ADAMTSL1: variants seen among roughly 807,000 people sequenced by gnomAD.
ADAMTSL1 encodes ADAMTS like 1.
In ADAMTSL1, 126 loss-of-function variants were observed where a neutral mutation model predicts 201.8. The observed-to-expected ratio is 0.62, with a 90% CI of 0.54 to 0.72. The LOEUF (loss-of-function observed/expected upper bound fraction) is 0.72. Among genes scored for constraint, ADAMTSL1 ranks in the 30% least tolerant of loss-of-function variants. The pLI, the probability that ADAMTSL1 is intolerant of heterozygous loss-of-function variation, is 0.00. For synonymous variants in ADAMTSL1, 1,121 were observed against 903.4 expected (o/e 1.24, Z -4.32); for missense variants, 2,679 against 2,277.8 (o/e 1.18, Z -3.59).
intron 1 of ADAMTSL1, among the ~76,000 whole-genome samples, chr9:17,982,525 T>C (rs1775176630): frequency 6.6e-6 from 1 of 151,968 alleles, no homozygotes; most frequent in African/African-American, 2.4e-5. Context: ...GGCAGGAGAA[T>C]TGCTTGAACC....
intron 2 of ADAMTSL1, among the ~76,000 whole-genome samples, chr9:18,265,298 G>C (rs117500248): frequency 6.6e-6 from 1 of 152,010 alleles, no homozygotes; most frequent in Admixed American, 6.6e-5. Context: ...TGCTTCCTCA[G>C]TTAATTCAGG....
intron 3 of ADAMTSL1, among the ~76,000 whole-genome samples, chr9:18,573,763 C>A: frequency 6.6e-6 from 1 of 152,132 alleles, no homozygotes; most frequent in South Asian, 2.1e-4. Flanking sequence ...TATGTCCCAC[C>A]TAATCAGAAT....
chr9:18,714,029 T>G (rs1179093349), intron 14 of ADAMTSL1, among the ~76,000 whole-genome samples: 18 of 151,138 alleles, frequency 1.2e-4, no homozygotes, highest in East Asian at 1.9e-4. Flanking sequence ...AAGGCAGAAA[T>G]AAAGATGTTC....
chr9:18,036,480 A>G (rs1303873104), intron 1 of ADAMTSL1, among the ~76,000 whole-genome samples: 1 of 152,160 alleles, frequency 6.6e-6, no homozygotes, highest in African/African-American at 2.4e-5. Flanking sequence ...ATAATATCAC[A>G]TCTTTATTTT....
intron 2 of ADAMTSL1, among the ~76,000 whole-genome samples, chr9:18,230,536 C>A (rs554373375): frequency 4.6e-5 from 7 of 152,052 alleles, no homozygotes; most frequent in African/African-American, 1.7e-4. Flanking sequence ...GACCCTGGCA[C>A]GTAATGGCTG....
At chr9:18,682,925 T>TA (rs1830593276) in intron 12 of ADAMTSL1, among the ~76,000 whole-genome samples, 1 of 152,156 alleles carries the variant, frequency 6.6e-6, no homozygotes, top group Admixed American at 6.5e-5. Context: ...AAAATGGGTG[T>TA]AATAATAGTA....
chr9:18,075,740 C>T (rs907654041), intron 1 of ADAMTSL1, among the ~76,000 whole-genome samples: 1 of 152,122 alleles, frequency 6.6e-6, no homozygotes, highest in African/African-American at 2.4e-5. Context: ...GCTGTGTAAC[C>T]CCAGAAGGAG....
intron 1 of ADAMTSL1, among the ~76,000 whole-genome samples, chr9:18,118,264 C>G (rs1825343584): frequency 6.6e-6 from 1 of 152,178 alleles, no homozygotes; most frequent in Non-Finnish European, 1.5e-5. Flanking sequence ...ATCAGATTTG[C>G]TGCACAAGGA....
intron 1 of ADAMTSL1, among the ~76,000 whole-genome samples, chr9:18,150,054 G>A (rs1056264889): frequency 2.6e-5 from 4 of 152,154 alleles, no homozygotes; most frequent in Middle Eastern, 6.8e-3. Flanking sequence ...TCAGTTAGAG[G>A]TTCCTGGGAG....
chr9:18,785,416 C>T (rs1380695359), intron 19 of ADAMTSL1, among the ~76,000 whole-genome samples: 1 of 152,134 alleles, frequency 6.6e-6, no homozygotes, highest in African/African-American at 2.4e-5. Flanking sequence ...CTACTGATAG[C>T]GCTACCTTTA....
chr9:18,442,050 T>C (rs112477816), intron 2 of ADAMTSL1, among the ~76,000 whole-genome samples: 7 of 152,358 alleles, frequency 4.6e-5, no homozygotes, highest in African/African-American at 1.7e-4. Context: ...GTTTTGGCTA[T>C]AGAAGAGCAG....
At chr9:18,744,988 G>A (rs970768712) in intron 15 of ADAMTSL1, among the ~76,000 whole-genome samples, 1 of 152,174 alleles carries the variant, frequency 6.6e-6, no homozygotes, top group Non-Finnish European at 1.5e-5. Flanking sequence ...GACAGATGAT[G>A]ATGATGTGTC....
chr9:18,088,214 T>A (rs1418441993), intron 1 of ADAMTSL1, among the ~76,000 whole-genome samples: 1 of 152,154 alleles, frequency 6.6e-6, no homozygotes, highest in East Asian at 1.9e-4. Flanking sequence ...CAAATGAAAT[T>A]GTATCTCTAT....
intron 2 of ADAMTSL1, among the ~76,000 whole-genome samples, chr9:18,531,273 C>G (rs372073553): frequency 6.6e-6 from 1 of 152,324 alleles, no homozygotes; most frequent in East Asian, 1.9e-4. Context: ...TGGCAAGTAG[C>G]TTGATCAACC....
chr9:18,197,985 C>G (rs1451132715), intron 2 of ADAMTSL1, among the ~76,000 whole-genome samples: 2 of 152,056 alleles, frequency 1.3e-5, no homozygotes, highest in Non-Finnish European at 2.9e-5. Context: ...TTTGACAAAC[C>G]TGAGAAAAAC....
intron 4 of ADAMTSL1, among the ~76,000 whole-genome samples, chr9:18,584,691 A>G (rs960395476): frequency 2.0e-5 from 3 of 152,186 alleles, no homozygotes; most frequent in African/African-American, 7.2e-5. Context: ...AAGCATTGTT[A>G]CCAGGTGTGT....
At chr9:18,188,842 T>C (rs1479600955) in intron 2 of ADAMTSL1, among the ~76,000 whole-genome samples, 1 of 152,220 alleles carries the variant, frequency 6.6e-6, no homozygotes, top group Non-Finnish European at 1.5e-5. Context: ...AACACCGTTA[T>C]GGGCCAGGCA....
chr9:18,849,306 C>T (rs1382581222), intron 23 of ADAMTSL1, among the ~76,000 whole-genome samples: 1 of 152,238 alleles, frequency 6.6e-6, no homozygotes, highest in Non-Finnish European at 1.5e-5. Context: ...CTCCACCCTT[C>T]ACCCCACCCG....
chr9:18,769,405 T>C (rs1443413819), intron 16 of ADAMTSL1, among the ~76,000 whole-genome samples: 1 of 152,140 alleles, frequency 6.6e-6, no homozygotes, highest in Non-Finnish European at 1.5e-5. Context: ...AATTTTACAA[T>C]AAAATATCCC....
Sources: allele counts gnomAD v4.1 joint callset (sites outside exome capture counted in the v4.1 genomes callset), GRCh38; gene constraint gnomAD v4.1.1; transcripts MANE v1.5; gene names NCBI Gene and HGNC (gene_info 2026-07-23, HGNC 2026-07-21).